The following ZNF560 variants were observed in gnomAD, a reference collection of about 807,000 sequenced individuals.
ZNF560 encodes the protein zinc finger protein 560.
In ZNF560, 54 loss-of-function variants were observed where a neutral mutation model predicts 81.8. The observed-to-expected ratio is 0.66, with a 90% CI of 0.53 to 0.83. The LOEUF (loss-of-function observed/expected upper bound fraction) is 0.83. ZNF560 is among the 40% of genes least tolerant of loss of function. The pLI is 0.00. For synonymous variants in ZNF560, 321 were observed against 317.9 expected (o/e 1.01, Z -0.10); for missense variants, 940 against 932.4 (o/e 1.01, Z -0.11).
At chr19:9,459,457 G>A in the ZNF560 span, among the ~76,000 whole-genome samples, 1 of 152,166 alleles carries the variant, frequency 6.6e-6, no homozygotes, top group East Asian at 1.9e-4. Context: ...GCCAATTTGG[G>A]TGCCATTGAG....
At chr19:9,494,855 C>G (rs575672203) in intron 2 of ZNF560, among the ~76,000 whole-genome samples, 26 of 152,118 alleles carry the variant, frequency 1.7e-4, no homozygotes, top group African/African-American at 4.6e-4. Flanking sequence ...TGTGGTGAGC[C>G]AAGGTCACAC....
Position 9,466,424 on chromosome 19 carries a change from G to T in ZNF560, c.*150C>A, listed in dbSNP as rs2073016867. On this transcript the variant is annotated 3_prime_UTR_variant, in exon 10 of 10. Transcript: ENST00000301480. The stretch of plus-strand genomic sequence containing the variant: ...CAGGGTTTCTCTACAGTGTGAGTTT[G>T]TACATATCTAGAAAGATTCAACTGT... The T allele has an allele frequency of 1.5e-6, 1 of 672,768 alleles. No individual in the cohort carries two copies. Among genetic ancestry groups the T allele is most frequent in the African/African-American group, 1.8e-5 (1 of 55,030 alleles). The allele number at this position is 672,768 out of a possible 1,614,324, so 41.7% of individuals were successfully genotyped here. A position where few individuals can be genotyped will look rare whatever the true frequency, so the allele number is the denominator to read the frequency against.
chr19:9,454,457 A>G, the ZNF560 span, among the ~76,000 whole-genome samples: 1 of 152,188 alleles, frequency 6.6e-6, no homozygotes, highest in East Asian at 1.9e-4. Flanking sequence ...GTTGGAGAAC[A>G]TGGAACTACG....
chr19:9,505,065 C>T, the ZNF560 span, among the ~76,000 whole-genome samples: 36 of 152,188 alleles, frequency 2.4e-4, no homozygotes, highest in Admixed American at 2.2e-3. Flanking sequence ...AGCCAGGCGA[C>T]ATAGTGAGCC....
chr19:9,468,280 A>G lies in ZNF560; in HGVS notation c.667T>C (p.Phe223Leu). 6.2e-7 allele frequency: 1 copy of G among 1,612,966 alleles called. No individual in the cohort carries two copies. Among genetic ancestry groups the G allele is most frequent in the South Asian group, 1.1e-5 (1 of 90,660 alleles). ...GTCTTAAGGCATGGATGTTTACAGA[A>G]GACATCTTCACATTGCTTACAGTCA... The part of the protein sequence containing the change: ...LYDCKQCEDV[F>L]CKHPCLKTNM... Residue 223 changes from phenylalanine to leucine, a missense_variant, in exon 10 of 10, where the codon TTC becomes CTC. Transcript: ENST00000301480.
rs546085233 is a variant in ZNF560 at position 9,494,556 on chromosome 19, G to A, written c.-57+3572C>T. On this transcript the variant is annotated intron_variant, in intron 2 of 9. Coordinates refer to ENST00000301480, the MANE Select transcript of ZNF560 (RefSeq NM_152476.3). ...TCGAGACCAGCCTACCCAACATGGC[G>A]AAACCCTGTCACTACTAAAAATACA... 6.6e-5 allele frequency among the ~76,000 whole-genome samples: 10 copies of A among 152,208 alleles called. 1 individual carries two copies. In the South Asian group the frequency reaches 1.0e-3, roughly 16 times the overall value.
At chr19:9,463,093 C>T (rs1165373719), downstream of ZNF560, among the ~76,000 whole-genome samples, 2 of 152,138 alleles carry the variant, frequency 1.3e-5, no homozygotes, top group South Asian at 4.2e-4. Context: ...CTAGACAAGA[C>T]ATAAATGACT....
rs149418712 is a variant in ZNF560, at chr19:9,466,615, C to A, written c.2332G>T (p.Ala778Ser). 1 of 1,609,024 alleles carries A rather than the reference C, an allele frequency of 6.2e-7. No homozygotes were observed. ...FECDQCGKAFASFSARIAHLK... is the reference protein window; with the variant it reads ...FECDQCGKAFSSFSARIAHLK... ...TGTGCAATACGAGCTGAGAAAGAAG[C>A]AAAGGCTTTCCCACACTGGTCACAT... The change falls in exon 10 of 10, where the codon GCT becomes TCT. Residue 778 changes from alanine (A) to serine (S), a missense_variant. Transcript: ENST00000301480.
chr19:9,488,838 G>A (rs892805027), intron 2 of ZNF560, among the ~76,000 whole-genome samples: 1 of 152,122 alleles, frequency 6.6e-6, no homozygotes, highest in African/African-American at 2.4e-5. Flanking sequence ...GGAGATGATT[G>A]GATCATGGGG....
chr19:9,466,653 T>G lies in ZNF560; in HGVS notation c.2294A>C (p.Glu765Ala), dbSNP rs147120143. 1.0e-4 allele frequency: 164 copies of G among 1,613,838 alleles called. No homozygotes were observed. The highest frequency in any genetic ancestry group is 1.3e-4 in the Non-Finnish European group (159 of 1,179,924). ...ACACTGGTCACATTCAAAGGGTTTC[T>G]CTCCCATATGAGTTCTTAAATGTTG... ...RIQHLRTHMG[E>A]KPFECDQCGK... Residue 765 changes from glutamate to alanine, a missense_variant, in exon 10 of 10, where the codon GAG becomes GCG. By Grantham distance (107) the Glu-to-Ala change is moderately radical (BLOSUM62 -1). Transcript: ENST00000301480.
rs773889218 is a variant in ZNF560 at position 9,468,225 on chromosome 19, G to A, written c.722C>T (p.Thr241Met). 1.1e-5 allele frequency: 18 copies of A among 1,613,936 alleles called. 1 individual carries two copies. The highest frequency in any genetic ancestry group is 2.7e-5 in the African/African-American group (2 of 74,914). Residue 241 changes from threonine to methionine, a missense_variant, in exon 10 of 10, where the codon ACG becomes ATG. Transcript: ENST00000301480. ...TNMSTQNRGNTSECIQYAKDL... is the reference protein window; with the variant it reads ...TNMSTQNRGNMSECIQYAKDL... Reference sequence around the variant, plus strand: ...TTTTGCATACTGAATACATTCAGACGTGTTGCCTCTATTTTGAGTACTCAT... The same window carrying A: ...TTTTGCATACTGAATACATTCAGACATGTTGCCTCTATTTTGAGTACTCAT...
the ZNF560 span, among the ~76,000 whole-genome samples, chr19:9,449,231 C>G: frequency 6.6e-6 from 1 of 152,110 alleles, no homozygotes; most frequent in Non-Finnish European, 1.5e-5. Flanking sequence ...ACTCAAAGAC[C>G]ACATTCTCAG....
chr19:9,475,694 C>T (rs1288603428), intron 2 of ZNF560, among the ~76,000 whole-genome samples: 2 of 151,508 alleles, frequency 1.3e-5, no homozygotes, highest in Non-Finnish European at 2.9e-5. Context: ...GCAAGCTCTG[C>T]CTCCTGGGTT....
chr19:9,498,076 C>T (rs2073590719), intron 2 of ZNF560, 52 bp downstream of exon 2: 2 of 152,182 alleles, frequency 1.3e-5, no homozygotes, highest in African/African-American at 2.4e-5. Flanking sequence ...CACTCGTTTG[C>T]ATAAAAAAGG....
intron 2 of ZNF560, among the ~76,000 whole-genome samples, chr19:9,483,126 C>A (rs1292643343): frequency 6.6e-6 from 1 of 151,424 alleles, no homozygotes; most frequent in Non-Finnish European, 1.5e-5. Context: ...GGCCACCCAT[C>A]GTCTGGGATG....
chr19:9,488,833 T>A (rs1344852516), intron 2 of ZNF560, among the ~76,000 whole-genome samples: 1 of 152,100 alleles, frequency 6.6e-6, no homozygotes, highest in Non-Finnish European at 1.5e-5. Context: ...TGGTGGGAGA[T>A]GATTGGATCA....
At chr19:9,504,360 G>C in the ZNF560 span, among the ~76,000 whole-genome samples, 1 of 152,098 alleles carries the variant, frequency 6.6e-6, no homozygotes, top group Non-Finnish European at 1.5e-5. Flanking sequence ...ACTTAAACCT[G>C]GGAGATGGAG....
chr19:9,450,217 GGAGGCGGAGGTTGCAGT>G, the ZNF560 span, among the ~76,000 whole-genome samples: 1 of 151,792 alleles, frequency 6.6e-6, no homozygotes, highest in Admixed American at 6.6e-5. Context: ...TTTGAACCCG[GGAGGCGGAGGTTGCAGT>G]GAGCCGAGAT....
At chr19:9,475,234 C>T (rs2073181937) in intron 3 of ZNF560, 50 bp downstream of exon 3, 2 of 1,598,346 alleles carry the variant, frequency 1.3e-6, no homozygotes, top group South Asian at 2.2e-5. Context: ...AATGTGTTTA[C>T]CTGGTGATGC....
Sources: gnomAD v4.1 joint callset for allele counts (sites outside exome capture counted in the v4.1 genomes callset) on GRCh38, gnomAD v4.1.1 for gene constraint, MANE v1.5 for transcripts, NCBI Gene and HGNC (gene_info 2026-07-23, HGNC 2026-07-21) for gene names.